Variants in TMPRSS9 observed in about 807,000 individuals in gnomAD.
TMPRSS9 encodes the protein transmembrane serine protease 9.
In TMPRSS9, 113 loss-of-function variants were observed where a neutral mutation model predicts 111.4. The ratio of observed to expected loss-of-function variants is 1.01; its 90% CI spans 0.87 to 1.19. The LOEUF (loss-of-function observed/expected upper bound fraction) is 1.19. TMPRSS9 is among the 50% of genes most tolerant of loss of function. The pLI, the probability that TMPRSS9 is intolerant of heterozygous loss-of-function variation, is 0.00. For missense variants in TMPRSS9, 1,803 were observed against 1,513.1 expected (o/e 1.19, Z -3.18); for synonymous variants, 805 against 659.1 (o/e 1.22, Z -3.39).
rs1466001057 is a variant in TMPRSS9 at position 2,413,787 on chromosome 19, G to A, written c.1342G>A (p.Glu448Lys). 2.5e-6 allele frequency: 4 copies of A among 1,613,756 alleles called. No homozygotes were observed. The African/African-American group carries it at 5.3e-5, about 22-fold the overall frequency. ...CGTGAGCTGGGGAATCGGGTGTGCGGAAGCCCGGCGTCCAGGGGTCTATGC... is the reference window on the plus strand; with the variant it reads ...CGTGAGCTGGGGAATCGGGTGTGCGAAAGCCCGGCGTCCAGGGGTCTATGC... Residue 448 changes from glutamate to lysine, a missense_variant, in exon 10 of 18, where the codon GAA (glutamate) becomes AAA (lysine). Coordinates refer to ENST00000648592, the Ensembl canonical transcript of TMPRSS9.
chr19:2,363,163 C>T (rs1568464061), intron 1 of TMPRSS9, among the ~76,000 whole-genome samples: 1 of 152,180 alleles, frequency 6.6e-6, no homozygotes, highest in Non-Finnish European at 1.5e-5. Context: ...GACCATGTGG[C>T]CCACTGCGCG....
chr19:2,399,486 G>C (rs1970783932), intron 4 of TMPRSS9, among the ~76,000 whole-genome samples: 1 of 152,180 alleles, frequency 6.6e-6, no homozygotes, highest in Non-Finnish European at 1.5e-5. Flanking sequence ...TGAGGCAGGA[G>C]AACTGCTTCA....
At chr19:2,417,942 G>T (rs1222832668) in intron 12 of TMPRSS9, 60 bp from the exon 14 acceptor site, 257 of 1,604,212 alleles carry the variant, frequency 1.6e-4, no homozygotes, top group Non-Finnish European at 2.1e-4. Flanking sequence ...TATCGGAGCG[G>T]AACTGGAGCT....
At chr19:2,364,495 AC>A (rs1159213911) in intron 1 of TMPRSS9, among the ~76,000 whole-genome samples, 1 of 151,772 alleles carries the variant, frequency 6.6e-6, no homozygotes, top group Non-Finnish European at 1.5e-5. Flanking sequence ...GAATCCTCCC[AC>A]CTTGGCCTCC....
chr19:2,407,593 T>TTTTCTTTTCTTTTTC (rs1970993305), intron 7 of TMPRSS9, among the ~76,000 whole-genome samples: 1 of 6,110 alleles, frequency 1.6e-4, no homozygotes, highest in African/African-American at 7.3e-4. Context: ...ACCTGTGATT[T>TTTTCTTTTCTTTTTC]TTTTCTTTTC....
chr19:2,422,383 T>C (rs1971487475), intron 14 of TMPRSS9, 136 bp downstream of exon 15: 1 of 1,105,828 alleles, frequency 9.0e-7, no homozygotes, highest in South Asian at 2.2e-5. Flanking sequence ...ATCGAGACCA[T>C]CCTGGCGAAC....
exon 6 of TMPRSS9, chr19:2,403,132 A>G (rs750590362): frequency 6.2e-7 from 1 of 1,612,772 alleles, no homozygotes; most frequent in Non-Finnish European, 8.5e-7. Flanking sequence ...GTGTGTGACC[A>G]AGGTGAACCC....
intron 14 of TMPRSS9, among the ~76,000 whole-genome samples, chr19:2,422,828 C>T (rs1971497410): frequency 6.6e-6 from 1 of 152,144 alleles, no homozygotes; most frequent in Non-Finnish European, 1.5e-5. Flanking sequence ...GTGGAGGTTG[C>T]AGTGAGCCGA....
intron 1 of TMPRSS9, among the ~76,000 whole-genome samples, chr19:2,361,667 A>C (rs1194458395): frequency 6.6e-6 from 1 of 152,180 alleles, no homozygotes; most frequent in Admixed American, 6.5e-5. Flanking sequence ...TCCCCAGGAC[A>C]GGCGTCCGTG....
At chr19:2,363,852 G>T (rs1233072068) in intron 1 of TMPRSS9, among the ~76,000 whole-genome samples, 1 of 146,858 alleles carries the variant, frequency 6.8e-6, no homozygotes, top group Non-Finnish European at 1.5e-5. Context: ...GAGAGTGGGA[G>T]GGAGGGAGGG....
chr19:2,416,575 G>A lies in TMPRSS9; in HGVS notation c.1783G>A (p.Ala595Thr), dbSNP rs569818781. The change falls in exon 12 of 18, where the codon GCG becomes ACG. Residue 595 changes from alanine (A) to threonine (T), a missense_variant. Physicochemically the swap from Ala to Thr is moderately conservative, Grantham distance 58 (BLOSUM62 0). Transcript: ENST00000648592. Reference sequence around the variant, plus strand: ...GCAGGTTCGGGCCCACCTGGGCACTGCGTCCCTCCTGGGCCTGGGCGGGAG... The same window carrying A: ...GCAGGTTCGGGCCCACCTGGGCACTACGTCCCTCCTGGGCCTGGGCGGGAG... 5 of 1,611,506 alleles carry A rather than the reference G, an allele frequency of 3.1e-6. No homozygotes were observed. The South Asian group carries it at 5.5e-5, about 18-fold the overall frequency.
Position 2,416,532 on chromosome 19 carries a change from C to G in TMPRSS9, c.1746-6C>G. ...GCAGGCATGTCTGAGGGCCCTGTCT[C>G]CATAGCACGAAGGTGGAGCAGGTTC... On this transcript the variant is annotated splice_region_variant and splice_polypyrimidine_tract_variant and intron_variant, in intron 11 of 17. Transcript: ENST00000648592. 1 of 1,603,696 alleles carries G rather than the reference C, an allele frequency of 6.2e-7. No homozygotes were observed. The highest frequency in any genetic ancestry group is 8.5e-7 in the Non-Finnish European group (1 of 1,176,668).
At chr19:2,382,673 G>A (rs1465034850) in intron 1 of TMPRSS9, among the ~76,000 whole-genome samples, 3 of 125,200 alleles carry the variant, frequency 2.4e-5, no homozygotes, top group East Asian at 3.0e-4. Flanking sequence ...ATGCACACGT[G>A]CACACATACA....
At chr19:2,391,636 G>A (rs577205383) in intron 1 of TMPRSS9, among the ~76,000 whole-genome samples, 3 of 152,036 alleles carry the variant, frequency 2.0e-5, no homozygotes, top group South Asian at 2.1e-4. Context: ...CCTAGTGAGA[G>A]GCAGGGGCGG....
At chr19:2,382,656 T>C (rs577299282) in intron 1 of TMPRSS9, among the ~76,000 whole-genome samples, 77 of 142,744 alleles carry the variant, frequency 5.4e-4, no homozygotes, top group African/African-American at 1.9e-3. Context: ...CATGCACACA[T>C]ACACACATGC....
chr19:2,416,364 G>A, intron 11 of TMPRSS9, 174 bp from the exon 13 acceptor site: 1 of 815,492 alleles, frequency 1.2e-6, no homozygotes, highest in Non-Finnish European at 1.8e-6. Context: ...TTCAGGAGGA[G>A]CCCAGCAGCC....
chr19:2,400,481 G>A (rs1970810236), intron 4 of TMPRSS9, among the ~76,000 whole-genome samples: 1 of 152,004 alleles, frequency 6.6e-6, no homozygotes, highest in African/African-American at 2.4e-5. Flanking sequence ...GGCGGAGGTT[G>A]CAGTGAGCCA....
chr19:2,409,040 C>T (rs1971040807), intron 8 of TMPRSS9, among the ~76,000 whole-genome samples: 1 of 124,036 alleles, frequency 8.1e-6, no homozygotes, highest in African/African-American at 3.0e-5. Context: ...AATGATGATG[C>T]AGAAAAACAC....
At chr19:2,363,827 A>T (rs1269559845) in intron 1 of TMPRSS9, among the ~76,000 whole-genome samples, 6 of 110,198 alleles carry the variant, frequency 5.4e-5, no homozygotes, top group South Asian at 3.5e-4. Context: ...TGTGTGTGAG[A>T]GAGAGAGAGA....
Sources: gnomAD v4.1 joint callset for allele counts (sites outside exome capture counted in the v4.1 genomes callset) on GRCh38, gnomAD v4.1.1 for gene constraint, MANE v1.5 for transcripts, NCBI Gene and HGNC (gene_info 2026-07-23, HGNC 2026-07-21) for gene names.